DIABLO: variants seen among roughly 807,000 people sequenced by gnomAD.
DIABLO encodes the protein diablo homolog, mitochondrial.
In DIABLO, 32 loss-of-function variants were observed where a neutral mutation model predicts 31.7. The ratio of observed to expected loss-of-function variants is 1.01; its 90% confidence interval spans 0.76 to 1.35. The LOEUF (loss-of-function observed/expected upper bound fraction) is 1.35, where lower values mean the gene tolerates loss of function less well. Among genes scored for constraint, DIABLO ranks in the 40% most tolerant of loss-of-function variants. The probability of loss-of-function intolerance (pLI) is 0.00; values close to 1 mark genes in which losing one functional copy is unlikely to be tolerated. For synonymous variants in DIABLO, 132 were observed against 103.2 expected (o/e 1.28, Z -1.69); for missense variants, 316 against 286.4 (o/e 1.10, Z -0.75).
upstream of DIABLO, chr12:122,227,376 C>A (rs757447997): frequency 6.6e-6 from 3 of 453,796 alleles, no homozygotes; most frequent in Admixed American, 2.3e-5. Context: ...TTCCACGAAT[C>A]TTCCACCCTG....
intron 1 of DIABLO, chr12:122,225,535 TG>T: frequency 9.1e-7 from 1 of 1,099,154 alleles, no homozygotes; most frequent in African/African-American, 1.7e-5. Context: ...CCCAGGAGCC[TG>T]CAGCGCTAGG....
chr12:122,211,413 A>G (rs1476598588), intron 5 of DIABLO, among the ~76,000 whole-genome samples: 1 of 151,738 alleles, frequency 6.6e-6, no homozygotes. Flanking sequence ...ATAAAAAACA[A>G]TCACACTGAG....
In DIABLO at chr12:122,218,327, G is replaced by A. The variant is rs752158530; in HGVS notation, c.254C>T (p.Thr85Ile). ...RRAVSLVTDS[T>I]STFLSQTTYA... ...TGTGGTCTGAGAGAGAAAGGTAGAGGTGCTATCTGTTACCAAAGACACTGC... is the reference window on the plus strand; with the variant it reads ...TGTGGTCTGAGAGAGAAAGGTAGAGATGCTATCTGTTACCAAAGACACTGC... Residue 85 changes from threonine to isoleucine, a missense_variant, in exon 3 of 6, where the codon ACC (threonine) becomes ATC (isoleucine). Coordinates refer to ENST00000464942, the MANE Select transcript of DIABLO (RefSeq NM_001371333.1). The A allele has an allele frequency of 1.2e-6, 2 of 1,614,074 alleles. No individual in the cohort carries two copies. Among genetic ancestry groups the A allele is most frequent in the South Asian group, 2.2e-5 (2 of 91,090 alleles).
intron 5 of DIABLO, among the ~76,000 whole-genome samples, chr12:122,213,783 C>G (rs1187692735): frequency 6.6e-6 from 1 of 151,500 alleles, no homozygotes; most frequent in Non-Finnish European, 1.5e-5. Flanking sequence ...TACTTTTTCT[C>G]AGGATCACTA....
upstream of DIABLO, among the ~76,000 whole-genome samples, chr12:122,227,071 G>C (rs1380938769): frequency 6.6e-6 from 1 of 152,234 alleles, no homozygotes; most frequent in African/African-American, 2.4e-5. Context: ...AGCAGAGCTG[G>C]AGGATCTTTG....
chr12:122,216,519 T>C lies in DIABLO; in HGVS notation c.492A>G (p.Ser164=). ...GATATGCAGCTTCTGCTGCCATCTC[T>C]GAAAGACCAACTGCAGTCATCCAAG... The part of the protein sequence containing the change: ...ETTWMTAVGL[S]EMAAEAAYQT... Residue 164 remains serine, a synonymous_variant, in exon 5 of 6, where the codon TCA becomes TCG. Transcript: ENST00000464942. The C allele has an allele frequency of 6.2e-7, 1 of 1,614,158 alleles. No homozygotes were observed. Among genetic ancestry groups the C allele is most frequent in the African/African-American group, 1.3e-5 (1 of 75,042 alleles).
At position 122,215,313 on chromosome 12, in the gene DIABLO, T is replaced by C. The variant is rs180894220; in HGVS notation, c.523+1175A>G. On this transcript the variant is annotated intron_variant, in intron 5 of 5. Transcript: ENST00000464942. ...AAAAAATTTGGCCGGACACAGTGGC[T>C]CATGCCTGTAATCCCAGCACTTTGG... 9.5e-3 allele frequency among the ~76,000 whole-genome samples: 1,436 copies of C among 151,548 alleles called. 12 individuals carry two copies. The highest frequency in any genetic ancestry group is 0.014 in the Non-Finnish European group (983 of 67,936).
chr12:122,225,175 T>G (rs1954426717), intron 1 of DIABLO: 2 of 259,234 alleles, frequency 7.7e-6, no homozygotes, highest in Non-Finnish European at 1.5e-5. Context: ...AGCGCCCCAC[T>G]GCACTTCAGC....
chr12:122,214,729 T>C (rs991254624), intron 5 of DIABLO, among the ~76,000 whole-genome samples: 1 of 152,116 alleles, frequency 6.6e-6, no homozygotes, highest in Non-Finnish European at 1.5e-5. Flanking sequence ...CTTTTTTTTT[T>C]CTTGAGACAG....
intron 3 of DIABLO, chr12:122,217,225 T>C (rs1186478561): frequency 3.3e-6 from 1 of 302,946 alleles, no homozygotes; most frequent in Non-Finnish European, 6.4e-6. Flanking sequence ...CTAAAAAATT[T>C]TTATTGGCCG....
At chr12:122,217,590 C>G (rs557296712) in intron 3 of DIABLO, 1 of 154,740 alleles carries the variant, frequency 6.5e-6, no homozygotes, top group Non-Finnish European at 1.4e-5. Flanking sequence ...TCATAGCTCA[C>G]TGTAATCTCA....
At chr12:122,219,782 G>C (rs1323630827) in intron 2 of DIABLO, among the ~76,000 whole-genome samples, 1 of 150,846 alleles carries the variant, frequency 6.6e-6, no homozygotes, top group African/African-American at 2.4e-5. Flanking sequence ...AGAATCGCTT[G>C]AACCCAGGAG....
In DIABLO at chr12:122,208,048, TG is replaced by T; in HGVS notation, c.*332del. Reference sequence around the variant, plus strand: ...GACTGAAAACAGGTTAAACAGTTGCTGAACTTAAGGGCATGACAAAAAGGAC... The same window carrying T: ...GACTGAAAACAGGTTAAACAGTTGCTAACTTAAGGGCATGACAAAAAGGAC... On this transcript the variant is annotated 3_prime_UTR_variant, in exon 6 of 6. Transcript: ENST00000464942. The T allele has an allele frequency of 1.8e-6, 1 of 553,082 alleles. No individual in the cohort carries two copies. Among genetic ancestry groups the T allele is most frequent in the South Asian group, 1.5e-5 (1 of 65,340 alleles). The allele number at this position is 553,082 out of a possible 1,614,324, so 34.3% of individuals were successfully genotyped here. A position where few individuals can be genotyped will look rare whatever the true frequency, so the allele number is the denominator to read the frequency against.
At chr12:122,209,784 G>T (rs1024928461) in intron 5 of DIABLO, 2 of 703,332 alleles carry the variant, frequency 2.8e-6, no homozygotes, top group African/African-American at 3.5e-5. Context: ...GCATTAACAA[G>T]AACCTTCAGG....
chr12:122,225,795 C>G (rs1954451080), intron 1 of DIABLO, 170 bp downstream of exon 1: 1 of 1,460,674 alleles, frequency 6.8e-7, no homozygotes, highest in African/African-American at 1.4e-5. Context: ...ACCCAGGGGG[C>G]GGAGGCGGGG....
At chr12:122,220,834 G>A (rs1391304916) in intron 2 of DIABLO, 2 of 152,126 alleles carry the variant, frequency 1.3e-5, no homozygotes, top group African/African-American at 4.8e-5. Flanking sequence ...GTATTCATTA[G>A]GCATCTTATA....
At chr12:122,224,967 T>A in intron 1 of DIABLO, 3 of 607,142 alleles carry the variant, frequency 4.9e-6, no homozygotes, top group Non-Finnish European at 7.4e-6. Flanking sequence ...AAAAAATAAG[T>A]AAATAAAGGC....
At chr12:122,224,473 C>T (rs767329875) in intron 2 of DIABLO, 39 bp downstream of exon 2, 1 of 1,613,462 alleles carries the variant, frequency 6.2e-7, no homozygotes, top group East Asian at 2.2e-5. Flanking sequence ...TTCAAGAGGA[C>T]ACGGTACACT....
At chr12:122,217,136 AG>A (rs1954232344) in intron 3 of DIABLO, 1 of 413,878 alleles carries the variant, frequency 2.4e-6, no homozygotes, top group Admixed American at 3.8e-5. Context: ...TTAAAGGTTG[AG>A]GGGAAAAAAG....
Sources: gnomAD v4.1 joint callset for allele counts (sites outside exome capture counted in the v4.1 genomes callset) on GRCh38, gnomAD v4.1.1 for gene constraint, MANE v1.5 for transcripts, NCBI Gene and HGNC (gene_info 2026-07-23, HGNC 2026-07-21) for gene names.